MAP3K1: variants seen among roughly 807,000 people sequenced by gnomAD.
The protein encoded by MAP3K1 is MAP/ERK kinase kinase 1.
MAP3K1 carries 36 observed loss-of-function variants against 144.2 expected under a neutral mutation model. The ratio of observed to expected loss-of-function variants is 0.25; its 90% CI spans 0.19 to 0.33. The LOEUF is 0.33. Among genes scored for constraint, MAP3K1 ranks in the 10% least tolerant of loss-of-function variants. The pLI is 1.00. For missense variants in MAP3K1, 1,650 were observed against 1,881.9 expected (o/e 0.88, Z 2.28); for synonymous variants, 718 against 688.7 (o/e 1.04, Z -0.67).
chr5:56,882,239 A>G lies in MAP3K1; in HGVS notation c.3039A>G (p.Arg1013=), dbSNP rs756636508. ...GACTTCAGGGATTCATTCCCTGCAGAATACCTTCTGCATCTCCTCAAACAC... is the reference window on the plus strand; with the variant it reads ...GACTTCAGGGATTCATTCCCTGCAGGATACCTTCTGCATCTCCTCAAACAC... ...KHRLQGFIPC[R]IPSASPQTQR... The change falls in exon 14 of 20, where the codon AGA becomes AGG. Residue 1013 remains arginine (R), a synonymous_variant. Transcript: ENST00000399503. 94 of 1,614,044 alleles carry G rather than the reference A, an allele frequency of 5.8e-5. No individual in the cohort carries two copies. The highest frequency in any genetic ancestry group is 7.3e-5 in the Non-Finnish European group (86 of 1,180,042).
At chr5:56,829,335 A>T in intron 1 of MAP3K1, among the ~76,000 whole-genome samples, 1 of 146,726 alleles carries the variant, frequency 6.8e-6, no homozygotes, top group African/African-American at 2.5e-5. Flanking sequence ...GGTGCATGCC[A>T]CTGTGCCCGG....
chr5:56,884,431 A>G (rs1240428183), intron 15 of MAP3K1, among the ~76,000 whole-genome samples: 1 of 152,130 alleles, frequency 6.6e-6, no homozygotes, highest in African/African-American at 2.4e-5. Context: ...CTCTGAGACT[A>G]TTGGAATATT....
Position 56,884,701 on chromosome 5 carries a change from A to G in MAP3K1, c.3857A>G (p.Glu1286Gly), listed in dbSNP as rs371578161. ...YVRNTSSEQE[E>G]VVEALREEIR... is the part of the protein sequence containing the mutation. ...AGAAACACATCTTCTGAGCAAGAAG[A>G]AGTAGTAGAAGCACTAAGAGAAGAG... The change falls in exon 16 of 20, where the codon GAA becomes GGA. Residue 1286 changes from glutamate (E) to glycine (G), a missense_variant. Physicochemically the swap from Glu to Gly is moderately conservative, Grantham distance 98. Coordinates refer to ENST00000399503, the MANE Select transcript of MAP3K1 (RefSeq NM_005921.2). 1 of 1,613,880 alleles carries G rather than the reference A, an allele frequency of 6.2e-7. No individual in the cohort carries two copies. Among genetic ancestry groups the G allele is most frequent in the Non-Finnish European group, 8.5e-7 (1 of 1,179,876 alleles).
intron 1 of MAP3K1, among the ~76,000 whole-genome samples, chr5:56,841,273 T>G (rs193102848): frequency 6.6e-6 from 1 of 152,342 alleles, no homozygotes; most frequent in East Asian, 1.9e-4. Flanking sequence ...TGCTCTCTAC[T>G]TTCTCGAATG....
rs1748656323 is a variant in MAP3K1, at chr5:56,894,852, A to G, written c.*1172A>G. On this transcript the variant is annotated 3_prime_UTR_variant, in exon 20 of 20. Transcript: ENST00000399503. ...TTGAACTTGGAAAATGTGTTCAGAA[A>G]GAAAAATGGAATTGAATTTCATTTA... is the stretch of plus-strand genomic sequence containing the variant. 1 of 232,194 alleles carries G rather than the reference A, an allele frequency of 4.3e-6. No homozygotes were observed. Among genetic ancestry groups the G allele is most frequent in the Non-Finnish European group, 8.5e-6 (1 of 117,388 alleles). 14.4% of individuals were successfully genotyped at this position (232,194 alleles called of 1,614,324 possible). A position where few individuals can be genotyped will look rare whatever the true frequency, so the allele number is the denominator to read the frequency against.
intron 7 of MAP3K1, 56 bp downstream of exon 7, chr5:56,872,087 CTA>C: frequency 6.2e-6 from 10 of 1,610,150 alleles, no homozygotes; most frequent in African/African-American, 1.3e-5. Flanking sequence ...TCTGAGCTAA[CTA>C]TGTTATTTAA....
chr5:56,854,034 G>A (rs1319060501), intron 1 of MAP3K1, among the ~76,000 whole-genome samples: 1 of 152,180 alleles, frequency 6.6e-6, no homozygotes, highest in Non-Finnish European at 1.5e-5. Context: ...AGCTTGACCT[G>A]GATGGGCGTG....
At chr5:56,853,908 A>C (rs1446228998) in intron 1 of MAP3K1, among the ~76,000 whole-genome samples, 4 of 152,180 alleles carry the variant, frequency 2.6e-5, no homozygotes, top group African/African-American at 9.7e-5. Context: ...GGGGGGAACC[A>C]CTAGAGCATT....
At chr5:56,818,860 T>A (rs1364615424) in intron 1 of MAP3K1, among the ~76,000 whole-genome samples, 1 of 152,236 alleles carries the variant, frequency 6.6e-6, no homozygotes, top group African/African-American at 2.4e-5. Context: ...TTTCACAGGC[T>A]GCTTTTATAT....
Position 56,875,145 on chromosome 5 carries a change from G to A in MAP3K1, c.1800G>A (p.Gly600=), listed in dbSNP as rs1285272041. 6.2e-7 allele frequency: 1 copy of A among 1,614,170 alleles called. No homozygotes were observed. The highest frequency in any genetic ancestry group is 1.1e-5 in the South Asian group (1 of 91,078). ...DVSGALLLAN[G]ESTGNSGGSS... ...GTGGGGCCCTGCTGTTGGCAAATGGGGAGAGCACTGGAAATTCTGGGGGCA... is the reference window on the plus strand; with the variant it reads ...GTGGGGCCCTGCTGTTGGCAAATGGAGAGAGCACTGGAAATTCTGGGGGCA... Residue 600 remains glycine, a synonymous_variant, in exon 10 of 20, where the codon GGG becomes GGA. Coordinates refer to ENST00000399503, the MANE Select transcript of MAP3K1 (RefSeq NM_005921.2).
chr5:56,854,432 CAAAAAAA>C (rs10647091), intron 1 of MAP3K1, among the ~76,000 whole-genome samples: 2 of 85,324 alleles, frequency 2.3e-5, no homozygotes, highest in Non-Finnish European at 4.3e-5. Flanking sequence ...AACTCCATCT[CAAAAAAA>C]AAAAAAAAAA....
In MAP3K1 at chr5:56,873,101, C is replaced by A. The variant is rs1388510604; in HGVS notation, c.1686+96C>A. 9 of 1,184,900 alleles carry A rather than the reference C, an allele frequency of 7.6e-6. No individual in the cohort carries two copies. The East Asian group carries it at 7.6e-5, about 10-fold the overall frequency. The allele number at this position is 1,184,900 out of a possible 1,614,324, so 73.4% of individuals were successfully genotyped here. On this transcript the variant is annotated intron_variant, in intron 9 of 19. Transcript: ENST00000399503. Reference sequence around the variant, plus strand: ...CTCAGTTGTTCATAATTTAAAAAAACACTTTTACTTGCCTCCATCATGACC... The same window carrying A: ...CTCAGTTGTTCATAATTTAAAAAAAAACTTTTACTTGCCTCCATCATGACC...
At chr5:56,854,932 G>T (rs1398980484) in intron 1 of MAP3K1, among the ~76,000 whole-genome samples, 1 of 152,104 alleles carries the variant, frequency 6.6e-6, no homozygotes, top group African/African-American at 2.4e-5. Context: ...GTTACTGGAG[G>T]GGGAAAGCGC....
At chr5:56,820,165 G>A (rs1277346587) in intron 1 of MAP3K1, among the ~76,000 whole-genome samples, 2 of 151,708 alleles carry the variant, frequency 1.3e-5, no homozygotes, top group Non-Finnish European at 2.9e-5. Context: ...TTATATATAT[G>A]TTTATATATA....
At chr5:56,820,567 G>A in intron 1 of MAP3K1, 2 of 985,330 alleles carry the variant, frequency 2.0e-6, no homozygotes, top group Non-Finnish European at 2.4e-6. Flanking sequence ...AAGAGGGTTA[G>A]TCATTAGTGT....
intron 11 of MAP3K1, among the ~76,000 whole-genome samples, chr5:56,880,133 A>C (rs1372205336): frequency 6.6e-6 from 1 of 152,186 alleles, no homozygotes; most frequent in African/African-American, 2.4e-5. Flanking sequence ...GCATAGGAAA[A>C]ATGTCATTTT....
chr5:56,864,677 A>G (rs1376166934), intron 3 of MAP3K1, 57 bp from the exon 4 acceptor site: 2 of 1,577,854 alleles, frequency 1.3e-6, no homozygotes, highest in Admixed American at 1.7e-5. Context: ...CTGACCGGAT[A>G]ATAGTTTCTT....
At position 56,865,836 on chromosome 5, in the gene MAP3K1, G is replaced by T; in HGVS notation, c.1160G>T (p.Ser387Ile). 6.2e-7 allele frequency: 1 copy of T among 1,614,050 alleles called. No homozygotes were observed. The highest frequency in any genetic ancestry group is 1.7e-5 in the Admixed American group (1 of 60,014). ...RKTLKNFEVESLFQKYHSRRS... is the reference protein window; with the variant it reads ...RKTLKNFEVEILFQKYHSRRS... ...GTCTTTTTCCAATGTTAGGTTGAGA[G>T]TTTGTTCCAGAAATATCACAGTAGG... is the stretch of plus-strand genomic sequence containing the variant. The change falls in exon 6 of 20, where the codon AGT becomes ATT. Residue 387 changes from serine to isoleucine, a missense_variant. Physicochemically the swap from Ser to Ile is moderately radical, Grantham distance 142. Transcript: ENST00000399503.
intron 17 of MAP3K1, 52 bp from the exon 18 acceptor site, chr5:56,887,322 ATCTG>A: frequency 6.3e-7 from 1 of 1,584,126 alleles, no homozygotes; most frequent in Non-Finnish European, 8.7e-7. Flanking sequence ...CTGGGCTTTT[ATCTG>A]TCCTTATTTT....
Sources: gnomAD v4.1 joint callset for allele counts (sites outside exome capture counted in the v4.1 genomes callset) on GRCh38, gnomAD v4.1.1 for gene constraint, MANE v1.5 for transcripts, NCBI Gene and HGNC (gene_info 2026-07-23, HGNC 2026-07-21) for gene names.